Variants in PUS10 observed in about 807,000 individuals in gnomAD.
PUS10 encodes the protein tRNA pseudouridine synthase Pus10.
In PUS10, 59 loss-of-function variants were observed where a neutral mutation model predicts 75.0. That is an observed-to-expected ratio of 0.79 (90% confidence interval 0.64 to 0.98). The LOEUF (loss-of-function observed/expected upper bound fraction) is 0.98. PUS10 is among the 50% of genes least tolerant of loss of function. The pLI is 0.00. For missense variants in PUS10, 650 were observed against 614.4 expected, an observed-to-expected ratio of 1.06 and a Z score of -0.61; for synonymous variants, 219 against 211.6, an observed-to-expected ratio of 1.03 and a Z score of -0.30.
chr2:61,017,409 G>A (rs1490721255), intron 1 of PUS10: 2 of 201,308 alleles, frequency 9.9e-6, no homozygotes, highest in Non-Finnish European at 2.0e-5. Context: ...AGGAGTGCGT[G>A]CGGCTTTACT....
chr2:60,952,434 A>G lies in PUS10; in HGVS notation c.1308+563T>C, dbSNP rs1481750492. Among the ~76,000 whole-genome samples the G allele has an allele frequency of 2.0e-5, 3 of 152,152 alleles. No individual in the cohort carries two copies. In the East Asian group the frequency reaches 5.8e-4, roughly 29 times the overall value. On this transcript the variant is annotated intron_variant, in intron 15 of 17. Coordinates refer to ENST00000316752, the MANE Select transcript of PUS10 (RefSeq NM_144709.4). ...TATGCACATGAACAGGCACTCTACC[A>G]TGACATGCTCAGGTATAGGAAAATG...
rs956159097 is a variant in PUS10 at position 61,016,673 on chromosome 2, C to T, written c.-16+1335G>A. On this transcript the variant is annotated intron_variant, in intron 1 of 17. Coordinates refer to ENST00000316752, the MANE Select transcript of PUS10 (RefSeq NM_144709.4). ...CCTCCCCAAATCAAGGATAACTAGC[C>T]CAGTCTCTGGCTTACTGGAGGAGAG... Among the ~76,000 whole-genome samples the T allele has an allele frequency of 2.0e-5, 3 of 152,144 alleles. No individual in the cohort carries two copies. The East Asian group carries it at 5.8e-4, about 29-fold the overall frequency.
intron 1 of PUS10, chr2:61,017,732 G>T: frequency 6.5e-7 from 1 of 1,540,378 alleles, no homozygotes; most frequent in South Asian, 1.2e-5. Flanking sequence ...TCAGGGGTAG[G>T]AGCGGGAGCC....
intron 4 of PUS10, among the ~76,000 whole-genome samples, chr2:60,992,690 T>C (rs1250516967): frequency 2.0e-5 from 3 of 152,224 alleles, no homozygotes; most frequent in Admixed American, 2.0e-4. Flanking sequence ...TCTATTTTAT[T>C]ATTTCATTTC....
intron 11 of PUS10, 140 bp downstream of exon 11, chr2:60,960,252 G>A: frequency 1.8e-6 from 1 of 546,596 alleles, no homozygotes. Flanking sequence ...GCCAAGGTGG[G>A]CAGATCGTTT....
At chr2:61,001,952 C>T (rs770258730) in intron 4 of PUS10, among the ~76,000 whole-genome samples, 1 of 151,800 alleles carries the variant, frequency 6.6e-6, no homozygotes, top group Non-Finnish European at 1.5e-5. Flanking sequence ...TGTTTGAAAT[C>T]CACTTATCAA....
chr2:60,981,484 G>A (rs1677390464), intron 4 of PUS10, among the ~76,000 whole-genome samples: 1 of 151,882 alleles, frequency 6.6e-6, no homozygotes, highest in Non-Finnish European at 1.5e-5. Flanking sequence ...GTTTCACCAT[G>A]TTGGCCAGGC....
intron 9 of PUS10, 79 bp from the exon 10 acceptor site, chr2:60,961,627 TGA>T: frequency 8.1e-7 from 1 of 1,233,158 alleles, no homozygotes; most frequent in Non-Finnish European, 1.2e-6. Context: ...CAGCATTGTC[TGA>T]GACATACACA....
At chr2:60,961,193 T>C (rs1261228953) in intron 10 of PUS10, among the ~76,000 whole-genome samples, 1 of 152,224 alleles carries the variant, frequency 6.6e-6, no homozygotes, top group African/African-American at 2.4e-5. Flanking sequence ...TACCCATATT[T>C]CTACTTGGCC....
chr2:61,014,183 G>C (rs1292668461), intron 1 of PUS10, among the ~76,000 whole-genome samples: 1 of 152,100 alleles, frequency 6.6e-6, no homozygotes, highest in Non-Finnish European at 1.5e-5. Flanking sequence ...AGACCAGCCT[G>C]GCCAACACGG....
At chr2:60,953,811 C>T in intron 14 of PUS10, 122 bp downstream of exon 14, 1 of 722,034 alleles carries the variant, frequency 1.4e-6, no homozygotes, top group South Asian at 1.7e-5. Flanking sequence ...TAATCATTTC[C>T]CCATTTGTAG....
intron 17 of PUS10, among the ~76,000 whole-genome samples, chr2:60,944,537 T>G (rs1042806429): frequency 6.6e-6 from 1 of 152,192 alleles, no homozygotes; most frequent in African/African-American, 2.4e-5. Flanking sequence ...ACAGAACCAT[T>G]CTTACAATTA....
intron 1 of PUS10, among the ~76,000 whole-genome samples, chr2:61,012,443 C>T (rs968524932): frequency 1.3e-5 from 2 of 152,022 alleles, no homozygotes; most frequent in Non-Finnish European, 2.9e-5. Flanking sequence ...CCCAGACTAG[C>T]CATAGAAAAA....
At chr2:60,961,124 G>A (rs753148992) in intron 10 of PUS10, among the ~76,000 whole-genome samples, 1 of 152,172 alleles carries the variant, frequency 6.6e-6, no homozygotes, top group African/African-American at 2.4e-5. Context: ...TTGCTTTTAT[G>A]TTATAAAATA....
Position 61,018,102 on chromosome 2 carries a change from C to T in PUS10, c.-110G>A. The T allele has an allele frequency of 1.0e-5, 16 of 1,544,288 alleles. No homozygotes were observed. The highest frequency in any genetic ancestry group is 1.4e-5 in the Non-Finnish European group (16 of 1,144,212). The stretch of plus-strand genomic sequence containing the variant: ...AGCTCCTGGGCGTCTCTCTGGGTCT[C>T]TGTGCTTGAAAGAAAGGGGGGCGGC... On this transcript the variant is annotated 5_prime_UTR_variant, in exon 1 of 18. Transcript: ENST00000316752.
At chr2:60,975,093 T>C (rs76227602) in intron 4 of PUS10, among the ~76,000 whole-genome samples, 7 of 152,340 alleles carry the variant, frequency 4.6e-5, no homozygotes, top group African/African-American at 1.7e-4. Flanking sequence ...CTTCCTTTTT[T>C]CCTTTCATTT....
At chr2:60,960,329 G>T (rs1185018691) in intron 11 of PUS10, 63 bp downstream of exon 11, 86 of 1,281,214 alleles carry the variant, frequency 6.7e-5, no homozygotes, top group Non-Finnish European at 8.7e-5. Flanking sequence ...AGTTGACAAA[G>T]CAAGCCCCTA....
In PUS10 at chr2:61,008,947, G is replaced by A; in HGVS notation, c.195C>T (p.Asn65=). 4 of 1,612,864 alleles carry A rather than the reference G, an allele frequency of 2.5e-6. No homozygotes were observed. Among genetic ancestry groups the A allele is most frequent in the Non-Finnish European group, 3.4e-6 (4 of 1,179,226 alleles). ...EKDELILEVM[N]PPPKKIRLQE... ...GCAGTCGAATTTTCTTGGGAGGTGG[G>A]TTCATAACTTCCAAAATTAATTCAT... Residue 65 remains asparagine (N), a synonymous_variant, in exon 3 of 18, where the codon AAC becomes AAT. Transcript: ENST00000316752.
rs865938493 is a variant in PUS10, at chr2:61,017,781, C to T, written c.-16+227G>A. 5.8e-6 allele frequency: 9 copies of T among 1,549,616 alleles called. No individual in the cohort carries two copies. The East Asian group carries it at 7.3e-5, about 13-fold the overall frequency. On this transcript the variant is annotated intron_variant, in intron 1 of 17. Transcript: ENST00000316752. ...GGAGATGGCGTCCCAGCCGCCACCTCCCCCCAAACCCTGGGAGACCCGCCG... is the reference window on the plus strand; with the variant it reads ...GGAGATGGCGTCCCAGCCGCCACCTTCCCCCAAACCCTGGGAGACCCGCCG...
Sources: gnomAD v4.1 joint callset for allele counts (sites outside exome capture counted in the v4.1 genomes callset) on GRCh38, gnomAD v4.1.1 for gene constraint, MANE v1.5 for transcripts, NCBI Gene and HGNC (gene_info 2026-07-23, HGNC 2026-07-21) for gene names.